PCDHA8: variants seen among roughly 807,000 people sequenced by gnomAD.
PCDHA8 encodes protocadherin alpha-8.
A neutral mutation model predicts 61.8 loss-of-function variants in PCDHA8; 53 were observed. The ratio of observed to expected loss-of-function variants is 0.86; its 90% CI spans 0.69 to 1.08. The LOEUF (loss-of-function observed/expected upper bound fraction) is 1.08, where lower values mean the gene tolerates loss of function less well. Among genes scored for constraint, PCDHA8 ranks in the 50% least tolerant of loss-of-function variants. The pLI, the probability that PCDHA8 is intolerant of heterozygous loss-of-function variation, is 0.00. For missense variants in PCDHA8, 1,293 were observed against 1,245.0 expected, an observed-to-expected ratio of 1.04 and a Z score of -0.58; for synonymous variants, 618 against 556.6, an observed-to-expected ratio of 1.11 and a Z score of -1.55.
chr5:141,010,461 G>C lies in PCDHA8; in HGVS notation c.*524G>C. The C allele has an allele frequency of 1.2e-6, 1 of 823,014 alleles. No individual in the cohort carries two copies. The highest frequency in any genetic ancestry group is 1.8e-6 in the Non-Finnish European group (1 of 553,022). The allele number at this position is 823,014 out of a possible 1,614,324, so 51.0% of individuals were successfully genotyped here. A position where few individuals can be genotyped will look rare whatever the true frequency, so the allele number is the denominator to read the frequency against. On this transcript the variant is annotated 3_prime_UTR_variant, in exon 4 of 4. Coordinates refer to ENST00000531613, the MANE Select transcript of PCDHA8 (RefSeq NM_018911.3). ...GACAAATAAACAGCGGAAGTTATCAGTATGGAGGGGAAGTGTAAACTTAAA... is the reference window on the plus strand; with the variant it reads ...GACAAATAAACAGCGGAAGTTATCACTATGGAGGGGAAGTGTAAACTTAAA...
chr5:140,870,201 G>C lies in PCDHA8; in HGVS notation c.2394+26486G>C, dbSNP rs370139733. 2.5e-4 allele frequency: 410 copies of C among 1,614,022 alleles called. 1 individual carries two copies. Among genetic ancestry groups the C allele is most frequent in the Non-Finnish European group, 5.8e-5 (69 of 1,180,034 alleles). ...TACGAGAGGACGCTCAGCCCAGCAC[G>C]GTCATTGCCCTGATCAGCGTGTCTG... On this transcript the variant is annotated intron_variant, in intron 1 of 3. Coordinates refer to ENST00000531613, the MANE Select transcript of PCDHA8 (RefSeq NM_018911.3).
At chr5:140,869,529 T>G (rs2051206211) in intron 1 of PCDHA8, 2 of 1,614,166 alleles carry the variant, frequency 1.2e-6, no homozygotes, top group Non-Finnish European at 1.7e-6. Context: ...AGCTGCTGAT[T>G]GCGGAATCTA....
chr5:141,005,335 G>A, intron 3 of PCDHA8, among the ~76,000 whole-genome samples: 1 of 152,148 alleles, frequency 6.6e-6, no homozygotes, highest in Middle Eastern at 3.2e-3. Context: ...ATAGGCCAAG[G>A]GGGTGCTGCT....
At chr5:140,927,306 G>A (rs782091835) in intron 1 of PCDHA8, 1 of 1,614,158 alleles carries the variant, frequency 6.2e-7, no homozygotes, top group Admixed American at 1.7e-5. Flanking sequence ...AGTTCCTGAC[G>A]CCCGGAGCCC....
chr5:141,009,501 C>T (rs2098410009), intron 3 of PCDHA8, 126 bp from the exon 4 acceptor site: 4 of 1,492,480 alleles, frequency 2.7e-6, no homozygotes, highest in Non-Finnish European at 3.6e-6. Context: ...CAGACTTGAA[C>T]AAACAACTCG....
intron 3 of PCDHA8, among the ~76,000 whole-genome samples, chr5:140,995,811 G>A (rs949931541): frequency 6.6e-6 from 1 of 152,240 alleles, no homozygotes; most frequent in South Asian, 2.1e-4. Context: ...GTTTCTGAAG[G>A]GAGATAGCCT....
chr5:140,923,033 A>T (rs6895136), intron 1 of PCDHA8, among the ~76,000 whole-genome samples: 8,640 of 152,308 alleles, frequency 0.057, 727 homozygotes, highest in African/African-American at 0.19. Flanking sequence ...CTCTATTACT[A>T]CATGTATAGT....
intron 1 of PCDHA8, among the ~76,000 whole-genome samples, chr5:140,972,991 T>C (rs142551667): frequency 6.6e-6 from 1 of 152,222 alleles, no homozygotes; most frequent in Non-Finnish European, 1.5e-5. Context: ...GTAGATTCTG[T>C]GCATTTGTGG....
chr5:140,913,572 T>C (rs1000646852), intron 1 of PCDHA8, among the ~76,000 whole-genome samples: 1 of 152,146 alleles, frequency 6.6e-6, no homozygotes, highest in Non-Finnish European at 1.5e-5. Context: ...TTTCATCATT[T>C]CAAATATATT....
intron 1 of PCDHA8, among the ~76,000 whole-genome samples, chr5:140,977,977 C>T (rs193229659): frequency 2.0e-5 from 3 of 152,222 alleles, no homozygotes; most frequent in South Asian, 2.1e-4. Context: ...CCCATGAAAA[C>T]GCATCTAGAG....
At chr5:140,973,342 A>ATAGTAATT (rs1437052159) in intron 1 of PCDHA8, among the ~76,000 whole-genome samples, 4 of 152,344 alleles carry the variant, frequency 2.6e-5, no homozygotes, top group Admixed American at 2.6e-4. Context: ...GTAAAGTGAC[A>ATAGTAATT]TAGTAGTGAA....
At chr5:140,990,272 C>T (rs568200508) in intron 3 of PCDHA8, among the ~76,000 whole-genome samples, 12 of 152,196 alleles carry the variant, frequency 7.9e-5, no homozygotes, top group African/African-American at 1.4e-4. Flanking sequence ...CAATGTACCC[C>T]GGGTCTTGAG....
chr5:140,931,409 A>G (rs1172534741), intron 1 of PCDHA8, among the ~76,000 whole-genome samples: 1 of 152,082 alleles, frequency 6.6e-6, no homozygotes, highest in African/African-American at 2.4e-5. Flanking sequence ...AGGAAGGCTG[A>G]TGAATCTAGA....
At chr5:140,959,935 T>C (rs2095518080) in intron 1 of PCDHA8, among the ~76,000 whole-genome samples, 2 of 152,178 alleles carry the variant, frequency 1.3e-5, no homozygotes, top group African/African-American at 4.8e-5. Context: ...CCCCATTACT[T>C]AGGCAGAATA....
chr5:140,887,722 T>C (rs1214089693), intron 1 of PCDHA8, among the ~76,000 whole-genome samples: 2 of 152,200 alleles, frequency 1.3e-5, no homozygotes, highest in Non-Finnish European at 2.9e-5. Context: ...AATAGTTTTT[T>C]CTTTCCTTCC....
At chr5:140,897,915 T>C (rs2066399470) in intron 1 of PCDHA8, among the ~76,000 whole-genome samples, 1 of 152,246 alleles carries the variant, frequency 6.6e-6, no homozygotes. Context: ...ATTGTGGTTT[T>C]GATTTGCGTT....
intron 1 of PCDHA8, chr5:140,883,199 G>A (rs782445481): frequency 6.2e-7 from 1 of 1,613,862 alleles, no homozygotes; most frequent in Non-Finnish European, 8.5e-7. Context: ...ACTAGATTTC[G>A]AAGAAAAGAA....
chr5:140,970,026 T>A (rs2153783055), intron 1 of PCDHA8, among the ~76,000 whole-genome samples: 1 of 152,304 alleles, frequency 6.6e-6, no homozygotes, highest in Non-Finnish European at 1.5e-5. Context: ...GGCAGAGAGA[T>A]TAAGTACCAA....
chr5:140,844,321 A>T lies in PCDHA8; in HGVS notation c.2394+606A>T, dbSNP rs1407685280. Reference sequence around the variant, plus strand: ...TAGTTTTCATATTCTTCCTAATTTTATTATAAACTAGTTAAAAAGTAAAAT... The same window carrying T: ...TAGTTTTCATATTCTTCCTAATTTTTTTATAAACTAGTTAAAAAGTAAAAT... On this transcript the variant is annotated intron_variant, in intron 1 of 3. Coordinates refer to ENST00000531613, the MANE Select transcript of PCDHA8 (RefSeq NM_018911.3). Among the ~76,000 whole-genome samples the T allele has an allele frequency of 6.0e-5, 9 of 149,650 alleles. 1 individual carries two copies. Among genetic ancestry groups the T allele is most frequent in the African/African-American group, 2.2e-4 (9 of 41,032 alleles).
Sources: gnomAD v4.1 joint callset for allele counts (sites outside exome capture counted in the v4.1 genomes callset) on GRCh38, gnomAD v4.1.1 for gene constraint, MANE v1.5 for transcripts, NCBI Gene and HGNC (gene_info 2026-07-23, HGNC 2026-07-21) for gene names.